GUCY1A2: variants seen among roughly 807,000 people sequenced by gnomAD.
The protein encoded by GUCY1A2 is guanylate cyclase soluble subunit alpha-2.
Under a neutral mutation model 63.5 loss-of-function variants are expected in GUCY1A2, and 27 were observed. The ratio of observed to expected loss-of-function variants is 0.43; its 90% CI spans 0.31 to 0.59. GUCY1A2 has a LOEUF of 0.59. Ranked by LOEUF, GUCY1A2 falls within the 20% of genes least tolerant of loss-of-function variation. GUCY1A2 has a pLI of 0.11. For synonymous variants in GUCY1A2, 364 were observed against 343.5 expected (o/e 1.06, Z -0.66); for missense variants, 768 against 913.3 (o/e 0.84, Z 2.05).
Position 106,676,781 on chromosome 11 carries a change from G to A in GUCY1A2, c.*10768C>T, listed in dbSNP as rs1171474849. On this transcript the variant is annotated 3_prime_UTR_variant, in exon 8 of 8. Transcript: ENST00000526355. ...TTTTTCTATTTCAGTCTTTAGCAGTGTGGTACTCACATAAAAAAAAATGAC... is the reference window on the plus strand; with the variant it reads ...TTTTTCTATTTCAGTCTTTAGCAGTATGGTACTCACATAAAAAAAAATGAC... The A allele has an allele frequency of 1.0e-5, 2 of 195,328 alleles. No individual in the cohort carries two copies. Among genetic ancestry groups the A allele is most frequent in the Non-Finnish European group, 2.1e-5 (2 of 94,090 alleles). The allele number at this position is 195,328 out of a possible 1,614,324, so 12.1% of individuals were successfully genotyped here.
chr11:106,882,443 C>T (rs1859837099), intron 4 of GUCY1A2, among the ~76,000 whole-genome samples: 1 of 151,872 alleles, frequency 6.6e-6, no homozygotes, highest in South Asian at 2.1e-4. Flanking sequence ...AGATTTATAA[C>T]AAGTAGCTCA....
chr11:106,977,929 T>C (rs977563275), intron 3 of GUCY1A2, among the ~76,000 whole-genome samples: 2 of 151,962 alleles, frequency 1.3e-5, no homozygotes, highest in African/African-American at 4.8e-5. Flanking sequence ...AAAAAAAATA[T>C]TTCTTTTAGA....
At chr11:106,911,227 T>C (rs2119865004) in intron 4 of GUCY1A2, among the ~76,000 whole-genome samples, 1 of 152,140 alleles carries the variant, frequency 6.6e-6, no homozygotes, top group Non-Finnish European at 1.5e-5. Flanking sequence ...ATTAAAAATG[T>C]TTAAAGTTCC....
At chr11:106,927,941 A>G (rs1860550131) in intron 4 of GUCY1A2, among the ~76,000 whole-genome samples, 1 of 152,126 alleles carries the variant, frequency 6.6e-6, no homozygotes, top group Non-Finnish European at 1.5e-5. Flanking sequence ...AGCTGTCATA[A>G]TTAGTCATAT....
Position 106,710,319 on chromosome 11 carries a change from AATATAGTTAT to A in GUCY1A2, c.1837-1663_1837-1654del, listed in dbSNP as rs1169600641. ...AGTTATATATTATATACATGTATAT[AATATAGTTAT>A]ATATATAATATATAGTTATATATTA... On this transcript the variant is annotated intron_variant, in intron 6 of 7. Coordinates refer to ENST00000526355, the MANE Select transcript of GUCY1A2 (RefSeq NM_000855.3). Among the ~76,000 whole-genome samples the A allele has an allele frequency of 1.7e-3, 31 of 18,040 alleles. 1 individual carries two copies. Among genetic ancestry groups the A allele is most frequent in the African/African-American group, 9.6e-3 (30 of 3,138 alleles). 11.8% of individuals were successfully genotyped at this position (18,040 alleles called of 152,430 possible). A position where few individuals can be genotyped will look rare whatever the true frequency, so the allele number is the denominator to read the frequency against.
chr11:106,694,768 C>A (rs1393106239), intron 7 of GUCY1A2, among the ~76,000 whole-genome samples: 1 of 152,190 alleles, frequency 6.6e-6, no homozygotes, highest in Non-Finnish European at 1.5e-5. Flanking sequence ...GTGGTGAGCA[C>A]AGGGGTAGGA....
intron 6 of GUCY1A2, among the ~76,000 whole-genome samples, chr11:106,741,639 A>C (rs1033813014): frequency 2.0e-5 from 3 of 152,204 alleles, no homozygotes; most frequent in African/African-American, 7.2e-5. Context: ...TGTTGTCAGA[A>C]TTATCCTGGA....
chr11:106,814,438 G>C (rs11211925), intron 4 of GUCY1A2, among the ~76,000 whole-genome samples: 1 of 152,056 alleles, frequency 6.6e-6, no homozygotes. Flanking sequence ...AGTCTGAGAA[G>C]CTTCCATGTT....
chr11:106,784,167 G>A (rs771994102), intron 5 of GUCY1A2, among the ~76,000 whole-genome samples: 1 of 151,688 alleles, frequency 6.6e-6, no homozygotes, highest in Admixed American at 6.6e-5. Context: ...CACCACCTCC[G>A]CTGCTTTCCT....
intron 6 of GUCY1A2, among the ~76,000 whole-genome samples, chr11:106,711,511 C>G (rs1325522973): frequency 6.6e-6 from 1 of 152,108 alleles, no homozygotes; most frequent in African/African-American, 2.4e-5. Context: ...CTGCTCTATT[C>G]CCCTCAGTAA....
intron 5 of GUCY1A2, among the ~76,000 whole-genome samples, chr11:106,802,373 A>G (rs930267722): frequency 1.3e-5 from 2 of 152,200 alleles, no homozygotes; most frequent in Non-Finnish European, 2.9e-5. Flanking sequence ...ATACTGTGCA[A>G]TAACACAATT....
intron 3 of GUCY1A2, among the ~76,000 whole-genome samples, chr11:106,966,366 C>T (rs561601348): frequency 6.6e-6 from 1 of 152,268 alleles, no homozygotes; most frequent in African/African-American, 2.4e-5. Context: ...CCTTGGCCTC[C>T]CAAAGTGCTG....
intron 4 of GUCY1A2, among the ~76,000 whole-genome samples, chr11:106,916,708 G>A (rs1226444618): frequency 6.9e-5 from 10 of 145,442 alleles, no homozygotes; most frequent in Non-Finnish European, 1.5e-4. Context: ...GTTCTGTCAT[G>A]TTTTTATCTA....
chr11:106,933,496 G>T (rs994892488), intron 4 of GUCY1A2, among the ~76,000 whole-genome samples: 4 of 152,114 alleles, frequency 2.6e-5, no homozygotes, highest in Non-Finnish European at 4.4e-5. Flanking sequence ...CGTTGTTGGT[G>T]GGACTATAAA....
chr11:106,778,626 A>G (rs1864404422), intron 5 of GUCY1A2, among the ~76,000 whole-genome samples: 2 of 152,008 alleles, frequency 1.3e-5, no homozygotes, highest in Admixed American at 1.3e-4. Context: ...ACGCCACTGC[A>G]CTCCAGCCTG....
In GUCY1A2 at chr11:106,917,700, A is replaced by G. The variant is rs979902503; in HGVS notation, c.1206+21760T>C. On this transcript the variant is annotated intron_variant, in intron 4 of 7. Transcript: ENST00000526355. Reference sequence around the variant, plus strand: ...CAGTAAACTATCACAAGGACAAAAAACCAAACACCGCATGTTCTCACTCAT... The same window carrying G: ...CAGTAAACTATCACAAGGACAAAAAGCCAAACACCGCATGTTCTCACTCAT... Among the ~76,000 whole-genome samples, 6 of 138,024 alleles carry G rather than the reference A, an allele frequency of 4.3e-5. 1 individual carries two copies. In the South Asian group the frequency reaches 8.4e-4, roughly 19 times the overall value. The allele number at this position is 138,024 out of a possible 152,430, so 90.5% of individuals were successfully genotyped here.
At chr11:106,896,187 T>C (rs1468747307) in intron 4 of GUCY1A2, among the ~76,000 whole-genome samples, 2 of 151,836 alleles carry the variant, frequency 1.3e-5, no homozygotes, top group African/African-American at 4.8e-5. Context: ...ATTAATGTAA[T>C]CCATCACATC....
chr11:106,768,670 C>A (rs540897570), intron 6 of GUCY1A2, among the ~76,000 whole-genome samples: 1 of 152,196 alleles, frequency 6.6e-6, no homozygotes, highest in Non-Finnish European at 1.5e-5. Flanking sequence ...ATTTGAATTA[C>A]CCTATGCTGG....
At chr11:106,990,022 C>T (rs930482048) in intron 1 of GUCY1A2, among the ~76,000 whole-genome samples, 4 of 152,054 alleles carry the variant, frequency 2.6e-5, no homozygotes, top group Non-Finnish European at 4.4e-5. Flanking sequence ...ATCAAAGAGA[C>T]GAGGGTGGGA....
Sources: gnomAD v4.1 joint callset for allele counts (sites outside exome capture counted in the v4.1 genomes callset) on GRCh38, gnomAD v4.1.1 for gene constraint, MANE v1.5 for transcripts, NCBI Gene and HGNC (gene_info 2026-07-23, HGNC 2026-07-21) for gene names.